The following PPFIA4 variants were observed in gnomAD, a reference collection of about 807,000 sequenced individuals.
The protein encoded by PPFIA4 is PPFI scaffold protein A4.
PPFIA4 carries 98 observed loss-of-function variants against 145.7 expected under a neutral mutation model. The ratio of observed to expected loss-of-function variants is 0.67; its 90% CI spans 0.57 to 0.80. PPFIA4 has a LOEUF of 0.80. Ranked by LOEUF, PPFIA4 falls within the 30% of genes least tolerant of loss-of-function variation. The pLI is 0.00. For missense variants in PPFIA4, 1,457 were observed against 1,632.7 expected (o/e 0.89, Z 1.85); for synonymous variants, 628 against 649.6 (o/e 0.97, Z 0.51).
At chr1:203,035,231 G>A (rs1044458068) in intron 1 of PPFIA4, 7 of 453,434 alleles carry the variant, frequency 1.5e-5, no homozygotes, top group Non-Finnish European at 3.1e-5. Flanking sequence ...CCCCTCAGAC[G>A]CTCCTAGCGG....
At chr1:203,052,372 G>A (rs1660595632) in intron 14 of PPFIA4, among the ~76,000 whole-genome samples, 1 of 152,112 alleles carries the variant, frequency 6.6e-6, no homozygotes, top group Non-Finnish European at 1.5e-5. Context: ...GGAGAATGAG[G>A]AAAGATATGG....
At position 203,075,797 on chromosome 1, in the gene PPFIA4, G is replaced by A. The variant is rs1662491830; in HGVS notation, c.3574+40G>A. The A allele has an allele frequency of 1.5e-6, 2 of 1,347,206 alleles. No homozygotes were observed. Among genetic ancestry groups the A allele is most frequent in the Non-Finnish European group, 9.6e-7 (1 of 1,044,834 alleles). 83.5% of individuals were successfully genotyped at this position (1,347,206 alleles called of 1,614,324 possible). On this transcript the variant is annotated intron_variant, in intron 29 of 29. Transcript: ENST00000295706. The surrounding 1 kb of genome is among the most constrained non-coding windows in gnomAD (Gnocchi z 4.1). ...GGCTGGGCATGGCCGAGGCCCAGCC[G>A]AGCGCGGGCTTCTTCCTGGCACCCC...
chr1:203,072,539 C>T (rs1257718173), intron 28 of PPFIA4, among the ~76,000 whole-genome samples: 1 of 152,182 alleles, frequency 6.6e-6, no homozygotes, highest in African/African-American at 2.4e-5. Flanking sequence ...CCTCCTTGGC[C>T]CCCGCCTCCT....
At position 203,067,695 on chromosome 1, in the gene PPFIA4, A is replaced by T; in HGVS notation, c.3051A>T (p.Arg1017=). 1 of 1,613,794 alleles carries T rather than the reference A, an allele frequency of 6.2e-7. No individual in the cohort carries two copies. Among genetic ancestry groups the T allele is most frequent in the Non-Finnish European group, 8.5e-7 (1 of 1,179,796 alleles). The change falls in exon 26 of 30, where the codon CGA becomes CGT. Residue 1017 remains arginine, a splice_region_variant and synonymous_variant. Transcript: ENST00000295706. ...TGGCTTGGGGGCTGTGTGCCTGCAG[A>T]ACCAGTCTTCAGTATGGCATCATGT... The part of the protein sequence containing the change: ...VHLKMVDSFH[R]TSLQYGIMCL...
At chr1:203,027,303 C>A (rs1658476530) in intron 1 of PPFIA4, among the ~76,000 whole-genome samples, 1 of 152,176 alleles carries the variant, frequency 6.6e-6, no homozygotes, top group African/African-American at 2.4e-5. Context: ...CGCTGACTTA[C>A]GTCCACGCAG....
At chr1:203,051,939 C>A in intron 14 of PPFIA4, 62 bp downstream of exon 14, 1 of 1,550,244 alleles carries the variant, frequency 6.5e-7, no homozygotes, top group Non-Finnish European at 8.8e-7. Flanking sequence ...TGCCTGGCTC[C>A]AGTTACGCAG....
At chr1:203,027,165 G>T (rs1658460014) in intron 1 of PPFIA4, among the ~76,000 whole-genome samples, 1 of 151,986 alleles carries the variant, frequency 6.6e-6, no homozygotes, top group African/African-American at 2.4e-5. Context: ...CCCCATCTCC[G>T]CAGTGCCAGG....
rs1571693077 is a variant in PPFIA4, at chr1:203,048,984, C to T, written c.1419+4C>T. 2 of 1,548,354 alleles carry T rather than the reference C, an allele frequency of 1.3e-6. No homozygotes were observed. The highest frequency in any genetic ancestry group is 1.2e-5 in the South Asian group (1 of 83,940). ...TGAGGAGCAGCACCACCACAAGGTA[C>T]CCGGCTGCGGCCAGCCCCGCCCAGC... On this transcript the variant is annotated splice_donor_region_variant and intron_variant, in intron 12 of 29. Coordinates refer to ENST00000295706, the MANE Select transcript of PPFIA4 (RefSeq NM_001304331.2). This position sits in a 1 kb window ranked among gnomAD's most constrained non-coding sequence, Gnocchi z 5.8.
chr1:203,049,744 GT>G lies in PPFIA4; in HGVS notation c.1491del (p.Phe497LeufsTer38). On this transcript the variant is annotated frameshift_variant, in exon 13 of 30. Transcript: ENST00000295706. LOFTEE classifies it high-confidence loss of function. ...ACCAGCTGAAGGGCCGAGGGGGGCC[GT>G]TTGTGGATGGCGTCCACTCCAGGTA... ...VDQLKGRGGPFVDGVHSRSHM... is the reference protein window; with the variant it reads ...VDQLKGRGGPXVDGVHSRSHM... The G allele has an allele frequency of 6.3e-7, 1 of 1,588,838 alleles. No individual in the cohort carries two copies. Among genetic ancestry groups the G allele is most frequent in the Non-Finnish European group, 8.6e-7 (1 of 1,167,134 alleles).
intron 2 of PPFIA4, among the ~76,000 whole-genome samples, chr1:203,042,528 C>T (rs975423317): frequency 6.6e-6 from 1 of 152,260 alleles, no homozygotes; most frequent in Non-Finnish European, 1.5e-5. Flanking sequence ...GCTTATTTCA[C>T]CCGCTACTTG....
chr1:203,050,889 T>C (rs1264616655), intron 13 of PPFIA4, among the ~76,000 whole-genome samples: 1 of 151,962 alleles, frequency 6.6e-6, no homozygotes, highest in East Asian at 1.9e-4. Flanking sequence ...CTTTTTTTTT[T>C]TTTCTTAATG....
At position 203,063,844 on chromosome 1, in the gene PPFIA4, A is replaced by G; in HGVS notation, c.2891A>G (p.Asp964Gly). Residue 964 changes from aspartate (D) to glycine (G), a missense_variant, in exon 25 of 30, where the codon GAC (aspartate) becomes GGC (glycine). Transcript: ENST00000295706. The stretch of plus-strand genomic sequence containing the variant: ...TTTCCCTAGACCCTGGCCTATGGGG[A>G]CATGAACCATGAGTGGATTGGGAAT... ...GSWAQTLAYGDMNHEWIGNEW... is the reference protein window; with the variant it reads ...GSWAQTLAYGGMNHEWIGNEW... 6.2e-7 allele frequency: 1 copy of G among 1,613,814 alleles called. No homozygotes were observed.
rs1326861529 is a variant in PPFIA4, at chr1:203,078,543, C to G, written c.*2153C>G. On this transcript the variant is annotated 3_prime_UTR_variant, in exon 30 of 30. Transcript: ENST00000295706. Reference sequence around the variant, plus strand: ...TGTTGTCTTGGTGTATCCCTTGCCTCATAGTCAATATATTTTTTTTTTGGC... The same window carrying G: ...TGTTGTCTTGGTGTATCCCTTGCCTGATAGTCAATATATTTTTTTTTTGGC... 6.6e-6 allele frequency: 1 copy of G among 152,542 alleles called. No homozygotes were observed. Among genetic ancestry groups the G allele is most frequent in the East Asian group, 1.9e-4 (1 of 5,180 alleles). The allele number at this position is 152,542 out of a possible 1,614,324, so 9.4% of individuals were successfully genotyped here. A position where few individuals can be genotyped will look rare whatever the true frequency, so the allele number is the denominator to read the frequency against.
intron 1 of PPFIA4, among the ~76,000 whole-genome samples, chr1:203,031,164 C>T (rs1264079074): frequency 6.6e-6 from 1 of 152,094 alleles, no homozygotes; most frequent in Non-Finnish European, 1.5e-5. Context: ...TTCAAGTGCT[C>T]CTCCCACCTC....
chr1:203,051,578 C>G, intron 13 of PPFIA4, 191 bp from the exon 14 acceptor site: 1 of 1,101,476 alleles, frequency 9.1e-7, no homozygotes, highest in Non-Finnish European at 1.2e-6. Context: ...ATTCTGACCC[C>G]TGGAGCACCA....
intron 15 of PPFIA4, among the ~76,000 whole-genome samples, chr1:203,054,869 C>T (rs1457266537): frequency 4.6e-5 from 7 of 152,154 alleles, no homozygotes; most frequent in African/African-American, 1.4e-4. Flanking sequence ...AGAATAAAGG[C>T]GAGTCCTTCT....
Position 203,048,206 on chromosome 1 carries a change from C to A in PPFIA4, c.1141-21C>A. On this transcript the variant is annotated intron_variant, in intron 9 of 29. Transcript: ENST00000295706. This position sits in a 1 kb window ranked among gnomAD's most constrained non-coding sequence, Gnocchi z 5.8. ...GAAGAACAGAGATCTGCGGGCTGCA[C>A]CGACCCATCCCTGCCCCTAGGCTGA... 6.2e-7 allele frequency: 1 copy of A among 1,611,166 alleles called. No individual in the cohort carries two copies. Among genetic ancestry groups the A allele is most frequent in the Non-Finnish European group, 8.5e-7 (1 of 1,178,780 alleles).
chr1:203,055,748 C>T lies in PPFIA4; in HGVS notation c.2070+76C>T. On this transcript the variant is annotated intron_variant, in intron 16 of 29. Transcript: ENST00000295706. The surrounding 1 kb of genome is among the most constrained non-coding windows in gnomAD (Gnocchi z 4.8). ...GGAGGTTTTAAGGGATGGTAGGACT[C>T]ACGTGCTCTCAGCTGGGCCTGCCAT... is the stretch of plus-strand genomic sequence containing the variant. The T allele has an allele frequency of 6.3e-7, 1 of 1,583,938 alleles. No homozygotes were observed. Among genetic ancestry groups the T allele is most frequent in the South Asian group, 1.1e-5 (1 of 88,332 alleles).
intron 1 of PPFIA4, among the ~76,000 whole-genome samples, chr1:203,038,406 C>T (rs1236215587): frequency 6.6e-6 from 1 of 152,186 alleles, no homozygotes; most frequent in Non-Finnish European, 1.5e-5. Flanking sequence ...CAGGGGGAGG[C>T]AGAGGCTGGG....
Sources: gnomAD v4.1 joint callset for allele counts (sites outside exome capture counted in the v4.1 genomes callset) on GRCh38, gnomAD v4.1.1 for gene constraint, Gnocchi (gnomAD v3.1) non-coding constraint, MANE v1.5 for transcripts, NCBI Gene and HGNC (gene_info 2026-07-23, HGNC 2026-07-21) for gene names.